The following EPHB1 variants were observed in gnomAD, a reference collection of about 807,000 sequenced individuals.
EPHB1 encodes ephrin type-B receptor 1.
Under a neutral mutation model 94.4 loss-of-function variants are expected in EPHB1, and 30 were observed. The ratio of observed to expected loss-of-function variants is 0.32; its 90% CI spans 0.24 to 0.43. EPHB1 has a LOEUF of 0.43. EPHB1 is among the 20% of genes least tolerant of loss of function. The pLI is 1.00. For missense variants in EPHB1, 1,055 were observed against 1,308.3 expected, an observed-to-expected ratio of 0.81 and a Z score of 2.99; for synonymous variants, 522 against 489.1, an observed-to-expected ratio of 1.07 and a Z score of -0.89.
chr3:135,005,556 C>T (rs889447136), intron 3 of EPHB1, among the ~76,000 whole-genome samples: 5 of 152,210 alleles, frequency 3.3e-5, no homozygotes, highest in African/African-American at 1.2e-4. Flanking sequence ...CCTCCCCCAG[C>T]CTCGCTGCTG....
At chr3:135,001,352 C>T (rs922596072) in intron 3 of EPHB1, among the ~76,000 whole-genome samples, 2 of 152,110 alleles carry the variant, frequency 1.3e-5, no homozygotes, top group African/African-American at 2.4e-5. Context: ...GTGGCAGTGG[C>T]GATGTGTCCA....
At chr3:135,241,670 G>T (rs920944036) in intron 13 of EPHB1, among the ~76,000 whole-genome samples, 2 of 152,246 alleles carry the variant, frequency 1.3e-5, no homozygotes, top group African/African-American at 4.8e-5. Context: ...CGACAGAGGG[G>T]AAGGAGGCAC....
chr3:135,212,620 T>G (rs1943056260), intron 12 of EPHB1, among the ~76,000 whole-genome samples: 1 of 152,236 alleles, frequency 6.6e-6, no homozygotes, highest in Non-Finnish European at 1.5e-5. Flanking sequence ...CCTTGTTATC[T>G]TGTTTCTAGG....
intron 1 of EPHB1, among the ~76,000 whole-genome samples, chr3:134,870,608 A>G (rs1032375625): frequency 9.2e-5 from 14 of 152,228 alleles, no homozygotes; most frequent in Admixed American, 2.0e-4. Context: ...GCGTTATCTA[A>G]TGCTGCCCCA....
At chr3:135,065,773 G>C (rs1380622898) in intron 3 of EPHB1, among the ~76,000 whole-genome samples, 1 of 152,038 alleles carries the variant, frequency 6.6e-6, no homozygotes, top group Non-Finnish European at 1.5e-5. Flanking sequence ...TTTTTAAATT[G>C]TACTTTTGTT....
intron 1 of EPHB1, among the ~76,000 whole-genome samples, chr3:134,800,603 A>G (rs1004551): frequency 0.6 from 91,186 of 152,034 alleles, 30,612 homozygotes; most frequent in East Asian, 0.88. Flanking sequence ...ATCCTGATGT[A>G]TGTGCTTCCT....
intron 3 of EPHB1, among the ~76,000 whole-genome samples, chr3:135,081,766 C>G (rs141938087): frequency 1.3e-5 from 2 of 152,198 alleles, no homozygotes; most frequent in Non-Finnish European, 2.9e-5. Flanking sequence ...TGCCAGCGGA[C>G]AATCCACTCA....
chr3:134,797,133 T>A (rs1190539176), intron 1 of EPHB1, among the ~76,000 whole-genome samples: 1 of 152,178 alleles, frequency 6.6e-6, no homozygotes, highest in Non-Finnish European at 1.5e-5. Flanking sequence ...CTCGCTTGCT[T>A]TTCCGAAGGT....
chr3:134,889,288 T>A (rs1560283281), intron 1 of EPHB1, among the ~76,000 whole-genome samples: 1 of 152,110 alleles, frequency 6.6e-6, no homozygotes, highest in Non-Finnish European at 1.5e-5. Context: ...GTATCTCTTT[T>A]TTTTTTAGTA....
chr3:134,880,994 A>G (rs967103569), intron 1 of EPHB1, among the ~76,000 whole-genome samples: 3 of 152,152 alleles, frequency 2.0e-5, no homozygotes, highest in East Asian at 3.9e-4. Context: ...CTGGAGCGGC[A>G]CCATTTCCAC....
At chr3:135,040,209 C>T (rs566478269) in intron 3 of EPHB1, among the ~76,000 whole-genome samples, 1 of 152,188 alleles carries the variant, frequency 6.6e-6, no homozygotes. Context: ...AAACTTGATT[C>T]CACCATCCAT....
chr3:135,083,285 C>T (rs1938225600), intron 3 of EPHB1, among the ~76,000 whole-genome samples: 1 of 151,948 alleles, frequency 6.6e-6, no homozygotes, highest in African/African-American at 2.4e-5. Context: ...GGATCTCTGG[C>T]AGGTGTACAG....
chr3:134,803,957 C>T (rs1190271742), intron 1 of EPHB1, among the ~76,000 whole-genome samples: 1 of 152,120 alleles, frequency 6.6e-6, no homozygotes, highest in African/African-American at 2.4e-5. Context: ...AGTTGTCCCA[C>T]CTGTTCCACA....
At chr3:135,120,861 A>C (rs1939930383) in intron 4 of EPHB1, among the ~76,000 whole-genome samples, 1 of 152,146 alleles carries the variant, frequency 6.6e-6, no homozygotes, top group African/African-American at 2.4e-5. Context: ...AACTAGAAAA[A>C]ATTGTGTCAT....
At chr3:135,017,487 G>A (rs1370631499) in intron 3 of EPHB1, among the ~76,000 whole-genome samples, 1 of 152,178 alleles carries the variant, frequency 6.6e-6, no homozygotes, top group Non-Finnish European at 1.5e-5. Context: ...TCAGGTCCCT[G>A]TGAAGTGGAG....
chr3:134,808,151 A>G (rs1478906897), intron 1 of EPHB1, among the ~76,000 whole-genome samples: 2 of 152,224 alleles, frequency 1.3e-5, no homozygotes, highest in Non-Finnish European at 2.9e-5. Context: ...TCATCCTCAG[A>G]TAGGCTTTCT....
chr3:134,899,013 A>T (rs1053277465), intron 1 of EPHB1, among the ~76,000 whole-genome samples: 1 of 152,100 alleles, frequency 6.6e-6, no homozygotes, highest in Non-Finnish European at 1.5e-5. Context: ...GGAGGATGTC[A>T]TGTGTCAGTT....
intron 1 of EPHB1, among the ~76,000 whole-genome samples, chr3:134,878,184 G>A (rs1445729173): frequency 6.6e-6 from 1 of 152,128 alleles, no homozygotes; most frequent in Non-Finnish European, 1.5e-5. Context: ...GCCTTCTGAG[G>A]GATATTTGTA....
Position 135,027,905 on chromosome 3 carries a change from T to C in EPHB1, c.805+75853T>C, listed in dbSNP as rs1257424023. On this transcript the variant is annotated intron_variant, in intron 3 of 15. Coordinates refer to ENST00000398015, the MANE Select transcript of EPHB1 (RefSeq NM_004441.5). Reference sequence around the variant, plus strand: ...TGATTATTGCCACAACTTCAGATCCTGTTATTGGTCTATTCAGAGATTCAA... The same window carrying C: ...TGATTATTGCCACAACTTCAGATCCCGTTATTGGTCTATTCAGAGATTCAA... 3.6e-5 allele frequency among the ~76,000 whole-genome samples: 5 copies of C among 139,136 alleles called. No individual in the cohort carries two copies. The East Asian group carries it at 1.7e-3, about 47-fold the overall frequency. 91.3% of individuals were successfully genotyped at this position (139,136 alleles called of 152,430 possible). A position where few individuals can be genotyped will look rare whatever the true frequency, so the allele number is the denominator to read the frequency against.
Sources: gnomAD v4.1 joint callset for allele counts (sites outside exome capture counted in the v4.1 genomes callset) on GRCh38, gnomAD v4.1.1 for gene constraint, MANE v1.5 for transcripts, NCBI Gene and HGNC (gene_info 2026-07-23, HGNC 2026-07-21) for gene names.